The following MMP16 variants were observed in gnomAD, a reference collection of about 807,000 sequenced individuals.
MMP16 encodes the protein matrix metallopeptidase 16, also known as matrix metalloproteinase-16.
In MMP16, 12 loss-of-function variants were observed where a neutral mutation model predicts 67.8. That is an observed-to-expected ratio of 0.18 (90% CI 0.11 to 0.29). The LOEUF is 0.29. Ranked by LOEUF, MMP16 falls within the 10% of genes least tolerant of loss-of-function variation. The pLI is 1.00. For synonymous variants in MMP16, 249 were observed against 255.9 expected (o/e 0.97, Z 0.26); for missense variants, 475 against 765.7 (o/e 0.62, Z 4.48).
At chr8:88,181,551 T>TC (rs1808980926) in intron 3 of MMP16, among the ~76,000 whole-genome samples, 1 of 151,308 alleles carries the variant, frequency 6.6e-6, no homozygotes, top group African/African-American at 2.4e-5. Flanking sequence ...GATATCCATT[T>TC]CCTAGATGAA....
chr8:88,117,425 A>G (rs1247653450), intron 5 of MMP16, among the ~76,000 whole-genome samples: 2 of 152,268 alleles, frequency 1.3e-5, no homozygotes, highest in Admixed American at 6.5e-5. Flanking sequence ...CAAGAGATTC[A>G]TGTTTTTAAA....
At chr8:88,061,307 A>G (rs1244367769) in intron 7 of MMP16, among the ~76,000 whole-genome samples, 1 of 152,102 alleles carries the variant, frequency 6.6e-6, no homozygotes, top group East Asian at 1.9e-4. Context: ...AAACAATAGA[A>G]GAAAGAGAAA....
chr8:88,080,505 G>A lies in MMP16; in HGVS notation c.1084-5762C>T, dbSNP rs191146353. Among the ~76,000 whole-genome samples, 1,058 of 152,050 alleles carry A rather than the reference G, an allele frequency of 7.0e-3. 10 individuals are homozygous for A. The highest frequency in any genetic ancestry group is 9.0e-3 in the Admixed American group (137 of 15,268). ...GGGTGGAGTGCAGTGGCATGATCTC[G>A]GCTCACTGCAACCTCCACCTCCCGG... is the stretch of plus-strand genomic sequence containing the variant. On this transcript the variant is annotated intron_variant, in intron 6 of 9. Coordinates refer to ENST00000286614, the MANE Select transcript of MMP16 (RefSeq NM_005941.5).
chr8:88,086,261 A>G (rs1047763278), intron 6 of MMP16, among the ~76,000 whole-genome samples: 11 of 151,852 alleles, frequency 7.2e-5, no homozygotes, highest in East Asian at 1.9e-4. Context: ...TTTACCATCG[A>G]TGTACTGCAG....
At chr8:88,166,666 AAAGAG>A (rs201890383) in intron 4 of MMP16, among the ~76,000 whole-genome samples, 11,102 of 138,608 alleles carry the variant, frequency 0.08, 528 homozygotes, top group African/African-American at 0.11. Context: ...ATGAGAGACA[AAAGAG>A]AAGGAGCAAA....
At chr8:88,165,164 G>T (rs1190154590) in intron 4 of MMP16, among the ~76,000 whole-genome samples, 3 of 123,948 alleles carry the variant, frequency 2.4e-5, no homozygotes, top group African/African-American at 9.4e-5. Context: ...GCAAAATAGC[G>T]AGAACCCCAT....
chr8:88,118,876 A>G lies in MMP16; in HGVS notation c.710-15T>C. The G allele has an allele frequency of 6.2e-7, 1 of 1,610,096 alleles. No homozygotes were observed. Among genetic ancestry groups the G allele is most frequent in the Admixed American group, 1.7e-5 (1 of 59,314 alleles). On this transcript the variant is annotated splice_polypyrimidine_tract_variant and intron_variant, in intron 4 of 9. Coordinates refer to ENST00000286614, the MANE Select transcript of MMP16 (RefSeq NM_005941.5). ...TAAGTCATTTCCTGTGTGAACAAGA[A>G]GAAAATAAGTTTTTGTAACTAATAT...
intron 8 of MMP16, among the ~76,000 whole-genome samples, chr8:88,048,628 T>C (rs1808228651): frequency 6.6e-6 from 1 of 152,156 alleles, no homozygotes; most frequent in South Asian, 2.1e-4. Context: ...TAACCATGTT[T>C]GTCTGATTTC....
At chr8:88,145,679 C>A (rs746152933) in intron 4 of MMP16, among the ~76,000 whole-genome samples, 4 of 151,878 alleles carry the variant, frequency 2.6e-5, no homozygotes, top group Non-Finnish European at 4.4e-5. Context: ...AGAAATACAA[C>A]CTCATTAGCA....
chr8:88,125,754 C>T lies in MMP16; in HGVS notation c.710-6893G>A, dbSNP rs114763478. Among the ~76,000 whole-genome samples the T allele has an allele frequency of 4.0e-3, 611 of 151,832 alleles. 6 individuals are homozygous for T. The highest frequency in any genetic ancestry group is 0.014 in the African/African-American group (575 of 41,474). ...CTAAAAACAAAGCCCTTTTTGTTTC[C>T]GATTGAGCTCAGTTAAGATTCTAAG... On this transcript the variant is annotated intron_variant, in intron 4 of 9. Coordinates refer to ENST00000286614, the MANE Select transcript of MMP16 (RefSeq NM_005941.5).
chr8:88,081,979 C>T (rs888433835), intron 6 of MMP16, among the ~76,000 whole-genome samples: 70 of 152,090 alleles, frequency 4.6e-4, no homozygotes, highest in African/African-American at 1.6e-3. Context: ...TTTTCGAGAA[C>T]CAACAAGGCT....
At chr8:88,325,602 A>C (rs1250114468) in intron 1 of MMP16, among the ~76,000 whole-genome samples, 1 of 152,214 alleles carries the variant, frequency 6.6e-6, no homozygotes, top group Non-Finnish European at 1.5e-5. Context: ...TTAGGTACAA[A>C]AATCCATCTG....
chr8:88,179,499 T>C (rs887730333), intron 3 of MMP16, among the ~76,000 whole-genome samples: 2 of 150,586 alleles, frequency 1.3e-5, no homozygotes, highest in African/African-American at 4.9e-5. Flanking sequence ...TGATCAGAAA[T>C]GCATATCTCT....
intron 1 of MMP16, among the ~76,000 whole-genome samples, chr8:88,307,392 T>C (rs1456718952): frequency 1.3e-5 from 2 of 152,038 alleles, no homozygotes; most frequent in Non-Finnish European, 2.9e-5. Context: ...AATTTTGTCC[T>C]CCTATCATTG....
At chr8:88,080,558 C>G (rs182995552) in intron 6 of MMP16, among the ~76,000 whole-genome samples, 30 of 152,236 alleles carry the variant, frequency 2.0e-4, no homozygotes, top group African/African-American at 6.5e-4. Flanking sequence ...GAGTCAGCCT[C>G]CTGAGTAGCT....
intron 1 of MMP16, among the ~76,000 whole-genome samples, chr8:88,262,846 CAAAAAAAAAAAAA>C (rs71277991): frequency 0.079 from 4,251 of 53,610 alleles, 269 homozygotes; most frequent in African/African-American, 0.24. Context: ...ACTAAAAATA[CAAAAAAAAAAAAA>C]AAAAAAAAAA....
At chr8:88,324,093 G>T (rs900242272) in intron 1 of MMP16, among the ~76,000 whole-genome samples, 2 of 152,038 alleles carry the variant, frequency 1.3e-5, no homozygotes, top group African/African-American at 4.8e-5. Flanking sequence ...AACAATAAAA[G>T]TGTTCCACTT....
chr8:88,179,866 A>G (rs1417901862), intron 3 of MMP16, among the ~76,000 whole-genome samples: 1 of 152,226 alleles, frequency 6.6e-6, no homozygotes, highest in Non-Finnish European at 1.5e-5. Flanking sequence ...TAAAATGGTC[A>G]ACTAAAACCA....
intron 4 of MMP16, among the ~76,000 whole-genome samples, chr8:88,160,656 G>C (rs1421615493): frequency 6.6e-6 from 1 of 152,080 alleles, no homozygotes; most frequent in East Asian, 1.9e-4. Flanking sequence ...AGGATGTGGA[G>C]AAATAGGAAC....
Sources: allele counts gnomAD v4.1 joint callset (sites outside exome capture counted in the v4.1 genomes callset), GRCh38; gene constraint gnomAD v4.1.1; transcripts MANE v1.5; gene names NCBI Gene and HGNC (gene_info 2026-07-23, HGNC 2026-07-21).